Variants in VTI1A observed in about 807,000 individuals in gnomAD.
VTI1A encodes vesicle transport through interaction with t-SNAREs homolog 1A.
Under a neutral mutation model 34.9 loss-of-function variants are expected in VTI1A, and 22 were observed. The ratio of observed to expected loss-of-function variants is 0.63; its 90% CI spans 0.45 to 0.90. VTI1A has a LOEUF of 0.90. Among genes scored for constraint, VTI1A ranks in the 40% least tolerant of loss-of-function variants. The pLI is 0.00. For synonymous variants in VTI1A, 87 were observed against 97.3 expected (o/e 0.89, Z 0.62); for missense variants, 268 against 275.6 (o/e 0.97, Z 0.20).
intron 1 of VTI1A, among the ~76,000 whole-genome samples, chr10:112,452,208 T>C (rs531994785): frequency 1.8e-4 from 28 of 152,280 alleles, no homozygotes; most frequent in Admixed American, 1.6e-3. Flanking sequence ...GTCCAGCTTT[T>C]TCAATTGAGC....
At chr10:112,762,567 G>T (rs1266753388) in intron 7 of VTI1A, among the ~76,000 whole-genome samples, 4 of 152,256 alleles carry the variant, frequency 2.6e-5, no homozygotes, top group African/African-American at 7.2e-5. Flanking sequence ...TTTGAGTTAG[G>T]ATATTATAAC....
intron 5 of VTI1A, among the ~76,000 whole-genome samples, chr10:112,542,714 A>T (rs1270479095): frequency 6.6e-6 from 1 of 152,160 alleles, no homozygotes; most frequent in Non-Finnish European, 1.5e-5. Context: ...CCACAAACCT[A>T]TGTAGTGATT....
rs576409552 is a variant in VTI1A, at chr10:112,643,604, T to C, written c.428-24614T>C. ...ATTATCCTTTTTTTGCTATTTCTGT[T>C]CTCAATACTTGAAAAATAGAATTTT... On this transcript the variant is annotated intron_variant, in intron 5 of 7. Coordinates refer to ENST00000393077, the MANE Select transcript of VTI1A (RefSeq NM_145206.4). Among the ~76,000 whole-genome samples the C allele has an allele frequency of 2.6e-5, 4 of 152,278 alleles. No individual in the cohort carries two copies. In the South Asian group the frequency reaches 8.3e-4, roughly 32 times the overall value.
the VTI1A span, among the ~76,000 whole-genome samples, chr10:112,839,270 C>T: frequency 5.3e-5 from 8 of 152,174 alleles, no homozygotes; most frequent in Admixed American, 5.2e-4. Flanking sequence ...CGCAAGCAAT[C>T]GTGAGCCCTT....
chr10:112,499,057 A>G (rs1261239117), intron 3 of VTI1A, among the ~76,000 whole-genome samples: 1 of 152,208 alleles, frequency 6.6e-6, no homozygotes, highest in African/African-American at 2.4e-5. Context: ...AAGTTGCCTT[A>G]TCTAGTCTGT....
At chr10:112,848,257 G>A in the VTI1A span, among the ~76,000 whole-genome samples, 1 of 152,300 alleles carries the variant, frequency 6.6e-6, no homozygotes, top group East Asian at 1.9e-4. Flanking sequence ...TCTTTGTGTG[G>A]CCAGGTGTAA....
At chr10:112,697,399 C>CTTTTTTTTTTT (rs57723783) in intron 7 of VTI1A, among the ~76,000 whole-genome samples, 2 of 114,040 alleles carry the variant, frequency 1.8e-5, no homozygotes, top group South Asian at 2.8e-4. Flanking sequence ...CTTTTCTTTT[C>CTTTTTTTTTTT]TTTTTTTTTT....
rs117289777 is a variant in VTI1A at position 112,569,946 on chromosome 10, G to C, written c.427+31616G>C. 9.1e-3 allele frequency among the ~76,000 whole-genome samples: 1,391 copies of C among 152,286 alleles called. 10 individuals carry two copies. Among genetic ancestry groups the C allele is most frequent in the Non-Finnish European group, 0.017 (1,148 of 68,010 alleles). On this transcript the variant is annotated intron_variant, in intron 5 of 7. Transcript: ENST00000393077. ...CTTTACATGCCTATCTGCAAAGTCT[G>C]TTTTTCTCTAGAGAAATGTCTTTTC...
chr10:112,447,448 G>T lies in VTI1A; in HGVS notation c.75G>T (p.Arg25Ser), dbSNP rs370389836. ...CAGAGATCACCAGCAAGATTGCGAG[G>T]GTCCCACGACTCCCGCCTGGTGAGA... ...LTAEITSKIA[R>S]VPRLPPDEKK... Residue 25 changes from arginine (R) to serine (S), a missense_variant, in exon 1 of 8, where the codon AGG becomes AGT. Transcript: ENST00000393077. 4 of 1,613,548 alleles carry T rather than the reference G, an allele frequency of 2.5e-6. No individual in the cohort carries two copies. In the African/African-American group the frequency reaches 5.3e-5, roughly 22 times the overall value.
chr10:112,842,860 A>G, the VTI1A span, among the ~76,000 whole-genome samples: 1 of 152,204 alleles, frequency 6.6e-6, no homozygotes, highest in Non-Finnish European at 1.5e-5. Flanking sequence ...TCATGAAAAC[A>G]GAAGCCACTC....
intron 5 of VTI1A, chr10:112,548,692 C>A: frequency 7.9e-7 from 1 of 1,261,160 alleles, no homozygotes; most frequent in Non-Finnish European, 1.1e-6. Context: ...CCTTCTTGTC[C>A]ACTGCTTTGA....
At chr10:112,535,978 C>A (rs1156963096) in intron 4 of VTI1A, among the ~76,000 whole-genome samples, 1 of 152,178 alleles carries the variant, frequency 6.6e-6, no homozygotes, top group African/African-American at 2.4e-5. Flanking sequence ...TAAAATTGAA[C>A]TGTTCTGAAG....
At chr10:112,615,697 C>A (rs1273168247) in intron 5 of VTI1A, among the ~76,000 whole-genome samples, 1 of 152,130 alleles carries the variant, frequency 6.6e-6, no homozygotes, top group African/African-American at 2.4e-5. Flanking sequence ...GTCTGGGAAA[C>A]TTCCCTAAAT....
chr10:112,482,188 T>C (rs943679153), intron 3 of VTI1A, among the ~76,000 whole-genome samples: 1 of 152,216 alleles, frequency 6.6e-6, no homozygotes, highest in African/African-American at 2.4e-5. Flanking sequence ...TGTTATTTTC[T>C]CAGTTTTTTA....
chr10:112,755,085 T>C (rs753248294), intron 7 of VTI1A, among the ~76,000 whole-genome samples: 1 of 151,934 alleles, frequency 6.6e-6, no homozygotes, highest in Non-Finnish European at 1.5e-5. Flanking sequence ...CGAAACCCTG[T>C]CTATACTAAA....
chr10:112,829,168 G>A, the VTI1A span, among the ~76,000 whole-genome samples: 4 of 152,220 alleles, frequency 2.6e-5, no homozygotes, highest in African/African-American at 9.6e-5. Context: ...GATTGGGCTG[G>A]GCGAGGTGGC....
At chr10:112,694,899 G>T (rs1848728464) in intron 7 of VTI1A, among the ~76,000 whole-genome samples, 1 of 152,196 alleles carries the variant, frequency 6.6e-6, no homozygotes, top group South Asian at 2.1e-4. Context: ...AACCTGGGGG[G>T]CAAAGGTTGC....
At chr10:112,656,822 A>G (rs1489880945) in intron 5 of VTI1A, among the ~76,000 whole-genome samples, 2 of 152,108 alleles carry the variant, frequency 1.3e-5, no homozygotes, top group African/African-American at 4.8e-5. Flanking sequence ...CTTATGTCCA[A>G]ATTTTAATCC....
chr10:112,682,291 A>G (rs1197054713), intron 7 of VTI1A, among the ~76,000 whole-genome samples: 7 of 152,144 alleles, frequency 4.6e-5, no homozygotes, highest in Admixed American at 4.6e-4. Context: ...TTTAAATAAA[A>G]CATTATTTCA....
Sources: gnomAD v4.1 joint callset for allele counts (sites outside exome capture counted in the v4.1 genomes callset) on GRCh38, gnomAD v4.1.1 for gene constraint, MANE v1.5 for transcripts, NCBI Gene and HGNC (gene_info 2026-07-23, HGNC 2026-07-21) for gene names.